The following LHCGR variants were observed in gnomAD, a reference collection of about 807,000 sequenced individuals.
The protein encoded by LHCGR is lutropin-choriogonadotropic hormone receptor.
Under a neutral mutation model 60.7 loss-of-function variants are expected in LHCGR, and 55 were observed. The observed-to-expected ratio is 0.91, with a 90% CI of 0.73 to 1.13. The LOEUF is 1.13. LHCGR is among the 50% of genes most tolerant of loss of function. LHCGR has a pLI of 0.00. For synonymous variants in LHCGR, 337 were observed against 316.5 expected (o/e 1.06, Z -0.69); for missense variants, 862 against 836.0 (o/e 1.03, Z -0.38).
At chr2:48,709,067 G>A in intron 7 of LHCGR, 45 bp from the exon 8 acceptor site, 2 of 1,428,148 alleles carry the variant, frequency 1.4e-6, no homozygotes, top group Non-Finnish European at 2.0e-6. Flanking sequence ...TACCTCATGT[G>A]TAAGCATTCG....
chr2:48,747,158 C>T (rs530637742), intron 1 of LHCGR, among the ~76,000 whole-genome samples: 4 of 151,858 alleles, frequency 2.6e-5, no homozygotes, highest in South Asian at 2.1e-4. Flanking sequence ...GGTGCGATCT[C>T]GGTTCACTGC....
intron 1 of LHCGR, among the ~76,000 whole-genome samples, chr2:48,748,370 A>G (rs1007831486): frequency 6.6e-6 from 1 of 152,212 alleles, no homozygotes; most frequent in Non-Finnish European, 1.5e-5. Flanking sequence ...GAAAAGATCC[A>G]GAATGGGCTT....
chr2:48,689,108 C>T (rs1572805275), intron 10 of LHCGR, among the ~76,000 whole-genome samples: 2 of 150,740 alleles, frequency 1.3e-5, no homozygotes, highest in South Asian at 4.2e-4. Context: ...CATATATACA[C>T]ATATATACAT....
At chr2:48,740,728 C>A (rs910329352) in intron 1 of LHCGR, among the ~76,000 whole-genome samples, 4 of 151,972 alleles carry the variant, frequency 2.6e-5, no homozygotes, top group African/African-American at 9.7e-5. Flanking sequence ...TAGATAAAAC[C>A]ACAAAGATGG....
At position 48,687,461 on chromosome 2, in the gene LHCGR, A is replaced by G. The variant is rs982189547; in HGVS notation, c.*236T>C. 2 of 430,462 alleles carry G rather than the reference A, an allele frequency of 4.6e-6. No individual in the cohort carries two copies. Among genetic ancestry groups the G allele is most frequent in the Admixed American group, 7.7e-5 (2 of 26,116 alleles). The allele number at this position is 430,462 out of a possible 1,614,324, so 26.7% of individuals were successfully genotyped here. ...ACAAAATTACTGTGTCAAAATTTCT[A>G]TAAAAATTTCTAAACACTCTCAACT... On this transcript the variant is annotated 3_prime_UTR_variant, in exon 11 of 11. Coordinates refer to ENST00000294954, the MANE Select transcript of LHCGR (RefSeq NM_000233.4).
chr2:48,710,971 G>T (rs1028064898), intron 7 of LHCGR, among the ~76,000 whole-genome samples: 5 of 152,182 alleles, frequency 3.3e-5, no homozygotes, highest in Admixed American at 2.6e-4. Flanking sequence ...TGGCTGCTCA[G>T]TCCTGCTCCA....
chr2:48,714,350 G>A (rs1297534990), intron 6 of LHCGR, among the ~76,000 whole-genome samples: 1 of 152,158 alleles, frequency 6.6e-6, no homozygotes, highest in African/African-American at 2.4e-5. Flanking sequence ...GGAAAACAGT[G>A]GCATAGCTGG....
chr2:48,712,949 T>C (rs148376253), intron 7 of LHCGR, among the ~76,000 whole-genome samples: 10 of 152,294 alleles, frequency 6.6e-5, no homozygotes, highest in African/African-American at 2.4e-4. Flanking sequence ...ATAGAGGCTT[T>C]GGTTACATAT....
intron 9 of LHCGR, 119 bp downstream of exon 9, chr2:48,698,496 A>T: frequency 1.3e-6 from 1 of 786,044 alleles, no homozygotes; most frequent in Non-Finnish European, 2.2e-6. Context: ...CCCCATGTCT[A>T]CGGAGCTGGC....
intron 1 of LHCGR, among the ~76,000 whole-genome samples, chr2:48,732,281 T>C (rs576196979): frequency 2.6e-5 from 4 of 152,124 alleles, no homozygotes; most frequent in Non-Finnish European, 5.9e-5. Flanking sequence ...ATATTTCAGG[T>C]GGGAAGTGAG....
chr2:48,689,204 A>T (rs1409260377), intron 10 of LHCGR, among the ~76,000 whole-genome samples: 1 of 151,670 alleles, frequency 6.6e-6, no homozygotes, highest in African/African-American at 2.4e-5. Context: ...CTATACATAC[A>T]TACATATATA....
intron 6 of LHCGR, among the ~76,000 whole-genome samples, chr2:48,715,411 G>A (rs1481911990): frequency 2.0e-5 from 3 of 152,178 alleles, no homozygotes; most frequent in African/African-American, 7.2e-5. Context: ...GAATGATGAT[G>A]TAAAACCCAC....
chr2:48,706,266 G>A (rs1667666291), intron 8 of LHCGR, among the ~76,000 whole-genome samples: 1 of 152,230 alleles, frequency 6.6e-6, no homozygotes, highest in Non-Finnish European at 1.5e-5. Context: ...CAGATCAGCT[G>A]TTAGTCTGGT....
At chr2:48,710,325 C>G (rs1667917914) in intron 7 of LHCGR, among the ~76,000 whole-genome samples, 1 of 152,156 alleles carries the variant, frequency 6.6e-6, no homozygotes, top group African/African-American at 2.4e-5. Flanking sequence ...GGCTCTTCTT[C>G]CTGATTCCGT....
intron 1 of LHCGR, among the ~76,000 whole-genome samples, chr2:48,745,828 C>G (rs1669675863): frequency 6.7e-6 from 1 of 149,868 alleles, no homozygotes; most frequent in South Asian, 2.1e-4. Flanking sequence ...CACATGTACC[C>G]TAAAACTTAA....
intron 8 of LHCGR, among the ~76,000 whole-genome samples, chr2:48,705,087 A>T (rs536633007): frequency 1.3e-5 from 2 of 152,040 alleles, no homozygotes; most frequent in African/African-American, 4.8e-5. Flanking sequence ...CTGGTACATT[A>T]TGTCTTTGTT....
chr2:48,698,516 AGGGAGTGAAG>A (rs1223099137), intron 9 of LHCGR, 89 bp downstream of exon 9: 6 of 913,894 alleles, frequency 6.6e-6, no homozygotes, highest in Non-Finnish European at 1.1e-5. Context: ...CCAAGAAGGT[AGGGAGTGAAG>A]GGGAGTGGAG....
intron 8 of LHCGR, among the ~76,000 whole-genome samples, chr2:48,705,625 A>T (rs1420778444): frequency 6.6e-6 from 1 of 151,962 alleles, no homozygotes; most frequent in Non-Finnish European, 1.5e-5. Context: ...TATTGAATTG[A>T]TCCCTTTACC....
intron 1 of LHCGR, among the ~76,000 whole-genome samples, chr2:48,740,602 G>A (rs543014690): frequency 1.7e-3 from 264 of 152,104 alleles, no homozygotes; most frequent in South Asian, 0.011. Flanking sequence ...CACATGGCCG[G>A]GTACTCCAAC....
Sources: gnomAD v4.1 joint callset for allele counts (sites outside exome capture counted in the v4.1 genomes callset) on GRCh38, gnomAD v4.1.1 for gene constraint, MANE v1.5 for transcripts, NCBI Gene and HGNC (gene_info 2026-07-23, HGNC 2026-07-21) for gene names.